SCRG1: variants seen among roughly 807,000 people sequenced by gnomAD.
SCRG1 encodes scrapie-responsive protein 1.
A neutral mutation model predicts 7.7 loss-of-function variants in SCRG1; 3 were observed. That is an observed-to-expected ratio of 0.39 (90% confidence interval 0.18 to 1.01). The LOEUF (loss-of-function observed/expected upper bound fraction) is 1.01, where lower values mean the gene tolerates loss of function less well. Ranked by LOEUF, SCRG1 falls within the 50% of genes least tolerant of loss-of-function variation. The pLI is 0.36. For missense variants in SCRG1, 110 were observed against 117.2 expected (o/e 0.94, Z 0.28); for synonymous variants, 46 against 41.2 (o/e 1.12, Z -0.44).
the SCRG1 span, among the ~76,000 whole-genome samples, chr4:173,493,472 C>T: frequency 1.3e-5 from 2 of 151,816 alleles, no homozygotes; most frequent in African/African-American, 4.8e-5. Context: ...CAGTACACAC[C>T]CTGGGTGTGG....
the SCRG1 span, among the ~76,000 whole-genome samples, chr4:173,495,938 G>A: frequency 6.6e-6 from 1 of 152,230 alleles, no homozygotes; most frequent in Admixed American, 6.5e-5. Flanking sequence ...TCCCAAAAGA[G>A]TAGATGCCCA....
chr4:173,516,726 A>G, the SCRG1 span, among the ~76,000 whole-genome samples: 1 of 152,246 alleles, frequency 6.6e-6, no homozygotes, highest in Non-Finnish European at 1.5e-5. Context: ...TGTGGAAATT[A>G]GTCATATTGA....
rs544900161 is a variant in SCRG1, at chr4:173,385,224, T to C, written c.*3117A>G. ...AAACTCATGCCTGTAATCCTAACAC[T>C]TTGGGAGGCCAAGGCAGGCAGATCA... On this transcript the variant is annotated 3_prime_UTR_variant, in exon 3 of 3. Transcript: ENST00000296506. 6.6e-6 allele frequency: 1 copy of C among 152,296 alleles called. No homozygotes were observed. The highest frequency in any genetic ancestry group is 2.4e-5 in the African/African-American group (1 of 41,558). The allele number at this position is 152,296 out of a possible 1,614,324, so 9.4% of individuals were successfully genotyped here.
At chr4:173,407,432 G>T (rs566259957), upstream of SCRG1, among the ~76,000 whole-genome samples, 1 of 151,902 alleles carries the variant, frequency 6.6e-6, no homozygotes, top group African/African-American at 2.4e-5. Flanking sequence ...CTACTGGAGA[G>T]GCTGAGGCAG....
At chr4:173,519,022 C>A in the SCRG1 span, among the ~76,000 whole-genome samples, 1 of 151,702 alleles carries the variant, frequency 6.6e-6, no homozygotes, top group African/African-American at 2.4e-5. Flanking sequence ...GTCGGCGTGG[C>A]GCTGTGAGCT....
At chr4:173,409,703 C>T (rs750937442), upstream of SCRG1, among the ~76,000 whole-genome samples, 3 of 151,860 alleles carry the variant, frequency 2.0e-5, no homozygotes, top group Non-Finnish European at 4.4e-5. Context: ...ATTCTCCTGC[C>T]TCAGCCTCCT....
Position 173,386,301 on chromosome 4 carries a change from A to ATTTTTTTTTTTTTTTTTTT in SCRG1, c.*2021_*2039dup, listed in dbSNP as rs11302799. Reference sequence around the variant, plus strand: ...AGGCGCCTGCCACCACGCCCAGCTAATTTTTTTTTTTTTTTTTTTTGTATT... The same window carrying ATTTTTTTTTTTTTTTTTTT: ...AGGCGCCTGCCACCACGCCCAGCTAATTTTTTTTTTTTTTTTTTTTTTTTTTTTTTTTTTTTTTTGTATT... On this transcript the variant is annotated 3_prime_UTR_variant, in exon 3 of 3. Coordinates refer to ENST00000296506, the MANE Select transcript of SCRG1 (RefSeq NM_007281.4). 2.6e-5 allele frequency: 3 copies of ATTTTTTTTTTTTTTTTTTT among 117,028 alleles called. No homozygotes were observed. Among genetic ancestry groups the ATTTTTTTTTTTTTTTTTTT allele is most frequent in the African/African-American group, 9.2e-5 (3 of 32,528 alleles). The allele number at this position is 117,028 out of a possible 1,614,324, so 7.2% of individuals were successfully genotyped here. A position where few individuals can be genotyped will look rare whatever the true frequency, so the allele number is the denominator to read the frequency against.
At chr4:173,447,502 G>A in the SCRG1 span, among the ~76,000 whole-genome samples, 10 of 152,186 alleles carry the variant, frequency 6.6e-5, no homozygotes, top group Non-Finnish European at 1.2e-4. Flanking sequence ...TGTGCAAGAT[G>A]GATCCATGGA....
the SCRG1 span, among the ~76,000 whole-genome samples, chr4:173,447,602 G>C: frequency 6.6e-6 from 1 of 152,216 alleles, no homozygotes; most frequent in African/African-American, 2.4e-5. Context: ...ATTTCAAATT[G>C]TTGTGCATAT....
the SCRG1 span, among the ~76,000 whole-genome samples, chr4:173,444,565 T>A: frequency 6.6e-6 from 1 of 152,118 alleles, no homozygotes; most frequent in Admixed American, 6.5e-5. Flanking sequence ...TGGCCTTTGG[T>A]TGTAGTTTTC....
At chr4:173,439,085 T>C in the SCRG1 span, among the ~76,000 whole-genome samples, 1 of 152,140 alleles carries the variant, frequency 6.6e-6, no homozygotes, top group Non-Finnish European at 1.5e-5. Flanking sequence ...TCTTTCCTCT[T>C]CTTCCAGTTT....
the SCRG1 span, among the ~76,000 whole-genome samples, chr4:173,489,498 G>A: frequency 6.9e-6 from 1 of 145,212 alleles, no homozygotes; most frequent in Non-Finnish European, 1.5e-5. Context: ...AAAAACATAT[G>A]CTGCGTTTCT....
At chr4:173,498,100 TTTAC>T in the SCRG1 span, among the ~76,000 whole-genome samples, 2 of 152,192 alleles carry the variant, frequency 1.3e-5, no homozygotes, top group Admixed American at 6.5e-5. Flanking sequence ...GAACATTGGA[TTTAC>T]TTACTTACAT....
the SCRG1 span, among the ~76,000 whole-genome samples, chr4:173,428,687 C>G: frequency 6.6e-6 from 1 of 152,156 alleles, no homozygotes; most frequent in Non-Finnish European, 1.5e-5. Context: ...TAGGCTAGAT[C>G]CAAATGCTCT....
the SCRG1 span, among the ~76,000 whole-genome samples, chr4:173,480,749 TA>T: frequency 1.3e-5 from 2 of 152,174 alleles, no homozygotes; most frequent in Non-Finnish European, 2.9e-5. Context: ...TTGGTTATGT[TA>T]AAAAGGTGTC....
the SCRG1 span, among the ~76,000 whole-genome samples, chr4:173,426,802 G>T: frequency 6.6e-6 from 1 of 152,250 alleles, no homozygotes; most frequent in East Asian, 1.9e-4. Flanking sequence ...GATTTGGAAA[G>T]CTTATTTGGA....
the SCRG1 span, among the ~76,000 whole-genome samples, chr4:173,441,699 AG>A: frequency 6.6e-6 from 1 of 152,240 alleles, no homozygotes; most frequent in African/African-American, 2.4e-5. Flanking sequence ...ATACAATATA[AG>A]TCTTGTCCTC....
chr4:173,445,671 T>A, the SCRG1 span, among the ~76,000 whole-genome samples: 8 of 147,332 alleles, frequency 5.4e-5, no homozygotes, highest in South Asian at 8.6e-4. Context: ...TTAAGGATAT[T>A]TTTTTTTTTT....
chr4:173,465,590 C>T, the SCRG1 span, among the ~76,000 whole-genome samples: 1 of 150,320 alleles, frequency 6.7e-6, no homozygotes, highest in Non-Finnish European at 1.5e-5. Context: ...TGTTATTTGG[C>T]CTAGGTGAGG....
Sources: allele counts gnomAD v4.1 joint callset (sites outside exome capture counted in the v4.1 genomes callset), GRCh38; gene constraint gnomAD v4.1.1; transcripts MANE v1.5; gene names NCBI Gene and HGNC (gene_info 2026-07-23, HGNC 2026-07-21).